The following CPEB2 variants were observed in gnomAD, a reference collection of about 807,000 sequenced individuals.
The protein encoded by CPEB2 is cytoplasmic polyadenylation element binding protein 2, also known as cytoplasmic polyadenylation element-binding protein 2.
CPEB2 carries 56 observed loss-of-function variants against 93.6 expected under a neutral mutation model. The observed-to-expected ratio is 0.60, with a 90% confidence interval of 0.48 to 0.75. CPEB2 has a LOEUF of 0.75. CPEB2 is among the 30% of genes least tolerant of loss of function. The pLI is 0.00. For missense variants in CPEB2, 1,579 were observed against 1,395.1 expected (o/e 1.13, Z -2.10); for synonymous variants, 764 against 586.3 (o/e 1.30, Z -4.38).
chr4:15,047,324 A>G (rs1727807164), intron 6 of CPEB2, among the ~76,000 whole-genome samples: 1 of 152,112 alleles, frequency 6.6e-6, no homozygotes, highest in Non-Finnish European at 1.5e-5. Flanking sequence ...GTGTGCTGAG[A>G]TTTTGGATGG....
chr4:15,024,722 T>G (rs889282441), intron 4 of CPEB2, among the ~76,000 whole-genome samples: 2 of 149,986 alleles, frequency 1.3e-5, no homozygotes, highest in South Asian at 2.1e-4. Flanking sequence ...CTTGGAATTT[T>G]GGGATATTAT....
At chr4:15,030,965 T>G (rs1726030013) in intron 4 of CPEB2, among the ~76,000 whole-genome samples, 1 of 152,124 alleles carries the variant, frequency 6.6e-6, no homozygotes, top group African/African-American at 2.4e-5. Context: ...TTGAGGATCT[T>G]TCAAGGTGGA....
intron 5 of CPEB2, among the ~76,000 whole-genome samples, chr4:15,040,014 A>G (rs369621507): frequency 3.3e-5 from 5 of 152,126 alleles, no homozygotes; most frequent in African/African-American, 1.2e-4. Flanking sequence ...ACTTGGTATA[A>G]TGTAGATTGG....
At position 15,008,345 on chromosome 4, in the gene CPEB2, C is replaced by A. The variant is rs1335177127; in HGVS notation, c.1952C>A (p.Ser651Tyr). The change falls in exon 3 of 12, where the codon TCT becomes TAT. Residue 651 changes from serine (S) to tyrosine (Y), a missense_variant. Physicochemically the swap from Ser to Tyr is moderately radical, Grantham distance 144. This residue lies in a region of CPEB2 where 1,411 missense variants were observed against 1,056.0 expected (regional missense o/e 1.34). Coordinates refer to ENST00000538197, the MANE Select transcript of CPEB2 (RefSeq NM_001177382.2). The part of the protein sequence containing the change: ...SNTLLPLQVR[S>Y]SLQLPAWGSD... ...ACTTCTATGCTATTGAAGGTGAGAT[C>A]TAGTTTGCAGTTGCCAGCTTGGGGC... is the stretch of plus-strand genomic sequence containing the variant. 6.2e-7 allele frequency: 1 copy of A among 1,612,758 alleles called. No homozygotes were observed. Among genetic ancestry groups the A allele is most frequent in the Non-Finnish European group, 8.5e-7 (1 of 1,178,934 alleles).
At chr4:15,005,316 G>A (rs1293428997) in intron 1 of CPEB2, among the ~76,000 whole-genome samples, 3 of 152,212 alleles carry the variant, frequency 2.0e-5, no homozygotes, top group African/African-American at 7.2e-5. Flanking sequence ...GTAGACTTTC[G>A]GTACATTTTT....
chr4:15,012,066 A>G (rs1385095371), intron 3 of CPEB2, among the ~76,000 whole-genome samples: 1 of 152,244 alleles, frequency 6.6e-6, no homozygotes, highest in Non-Finnish European at 1.5e-5. Context: ...AAAAAACAGT[A>G]TATAGTTGCA....
At chr4:15,064,689 C>A (rs1280682332) in intron 11 of CPEB2, among the ~76,000 whole-genome samples, 5 of 152,026 alleles carry the variant, frequency 3.3e-5, no homozygotes, top group Non-Finnish European at 7.4e-5. Flanking sequence ...TTCTTCTAGG[C>A]ACTGGGAACT....
intron 6 of CPEB2, 63 bp downstream of exon 6, chr4:15,040,550 A>G: frequency 7.3e-7 from 1 of 1,372,610 alleles, no homozygotes; most frequent in Middle Eastern, 1.8e-4. Context: ...TCAATGTTGT[A>G]ATTAATTACT....
At chr4:15,005,622 C>G (rs1394001837) in intron 1 of CPEB2, among the ~76,000 whole-genome samples, 2 of 152,074 alleles carry the variant, frequency 1.3e-5, no homozygotes, top group Non-Finnish European at 2.9e-5. Flanking sequence ...TGACCTTAAC[C>G]CCATAACTTT....
chr4:15,027,871 A>G (rs1725651415), intron 4 of CPEB2, among the ~76,000 whole-genome samples: 1 of 152,136 alleles, frequency 6.6e-6, no homozygotes, highest in African/African-American at 2.4e-5. Flanking sequence ...AGAGGTAGAT[A>G]TTTACCCTTA....
chr4:15,011,193 C>A (rs1376269636), intron 3 of CPEB2, among the ~76,000 whole-genome samples: 2 of 150,710 alleles, frequency 1.3e-5, no homozygotes, highest in Non-Finnish European at 3.0e-5. Context: ...CTCTGCCTCC[C>A]GGGTTCAAGC....
At chr4:15,021,067 A>C (rs761017926) in intron 4 of CPEB2, among the ~76,000 whole-genome samples, 1 of 152,128 alleles carries the variant, frequency 6.6e-6, no homozygotes, top group Non-Finnish European at 1.5e-5. Flanking sequence ...GCCCTGGCAT[A>C]GCTTGTTTAG....
rs773041674 is a variant in CPEB2 at position 15,066,417 on chromosome 4, A to C, written c.*37A>C. The C allele has an allele frequency of 1.1e-4, 161 of 1,452,728 alleles. No individual in the cohort carries two copies. The Middle Eastern group carries it at 1.2e-3, about 11-fold the overall frequency. The allele number at this position is 1,452,728 out of a possible 1,614,324, so 90.0% of individuals were successfully genotyped here. On this transcript the variant is annotated 3_prime_UTR_variant, in exon 12 of 12. Coordinates refer to ENST00000538197, the MANE Select transcript of CPEB2 (RefSeq NM_001177382.2). Reference sequence around the variant, plus strand: ...TGGCCTCTGTTTAACAAGGAAAGAAAGGGTGCATGTGGCTTACTGTGTCTG... The same window carrying C: ...TGGCCTCTGTTTAACAAGGAAAGAACGGGTGCATGTGGCTTACTGTGTCTG...
At chr4:15,060,855 T>C (rs560012853) in intron 10 of CPEB2, among the ~76,000 whole-genome samples, 5 of 151,984 alleles carry the variant, frequency 3.3e-5, no homozygotes, top group Non-Finnish European at 7.4e-5. Context: ...AGATGAAAAA[T>C]GATGTTAGCA....
intron 1 of CPEB2, chr4:15,004,990 C>A (rs1412565088): frequency 6.6e-6 from 1 of 152,178 alleles, no homozygotes; most frequent in African/African-American, 2.4e-5. Flanking sequence ...CTTGAAGCCT[C>A]AGCCCCTCGG....
chr4:15,051,844 A>C (rs1728256640), intron 6 of CPEB2, among the ~76,000 whole-genome samples: 1 of 152,220 alleles, frequency 6.6e-6, no homozygotes, highest in African/African-American at 2.4e-5. Flanking sequence ...TGTGGGCTCA[A>C]ATGGGCACTA....
In CPEB2 at chr4:15,002,645, G is replaced by C; in HGVS notation, c.-29G>C. On this transcript the variant is annotated 5_prime_UTR_variant, in exon 1 of 12. Transcript: ENST00000538197. ...CTAGGTGGGGCAGGGGACGAGGAGCGTCTCCTCCCGCTGCCGGCGGCCTGA... is the reference window on the plus strand; with the variant it reads ...CTAGGTGGGGCAGGGGACGAGGAGCCTCTCCTCCCGCTGCCGGCGGCCTGA... The C allele has an allele frequency of 6.8e-7, 1 of 1,472,052 alleles. No individual in the cohort carries two copies. Among genetic ancestry groups the C allele is most frequent in the Non-Finnish European group, 9.0e-7 (1 of 1,110,658 alleles). 91.2% of individuals were successfully genotyped at this position (1,472,052 alleles called of 1,614,324 possible).
At chr4:15,015,429 A>G (rs1402803995) in intron 3 of CPEB2, among the ~76,000 whole-genome samples, 1 of 152,046 alleles carries the variant, frequency 6.6e-6, no homozygotes, top group African/African-American at 2.4e-5. Context: ...AAGAGCCTCC[A>G]GTCTAGCATT....
At chr4:15,005,612 T>C (rs1340900599) in intron 1 of CPEB2, among the ~76,000 whole-genome samples, 1 of 152,230 alleles carries the variant, frequency 6.6e-6, no homozygotes, top group African/African-American at 2.4e-5. Context: ...ACGCAAAATA[T>C]GACCTTAACC....
Sources: gnomAD v4.1 joint callset for allele counts (sites outside exome capture counted in the v4.1 genomes callset) on GRCh38, gnomAD v4.1.1 for gene constraint, gnomAD v4.1.1 regional missense constraint, MANE v1.5 for transcripts, NCBI Gene and HGNC (gene_info 2026-07-23, HGNC 2026-07-21) for gene names.